HPS5: variants seen among roughly 807,000 people sequenced by gnomAD.
The protein encoded by HPS5 is HPS5 biogenesis of lysosomal organelles complex 2 subunit 2, also known as BLOC-2 complex member HPS5.
A neutral mutation model predicts 128.0 loss-of-function variants in HPS5; 83 were observed. The ratio of observed to expected loss-of-function variants is 0.65; its 90% CI spans 0.54 to 0.78. The LOEUF is 0.78. Among genes scored for constraint, HPS5 ranks in the 30% least tolerant of loss-of-function variants. The pLI is 0.00. For missense variants in HPS5, 1,281 were observed against 1,326.2 expected (o/e 0.97, Z 0.53); for synonymous variants, 475 against 470.2 (o/e 1.01, Z -0.13).
At chr11:18,296,169 G>A (rs1187461013) in intron 12 of HPS5, 47 bp from the exon 13 acceptor site, 5 of 1,595,522 alleles carry the variant, frequency 3.1e-6, no homozygotes, top group South Asian at 1.1e-5. Flanking sequence ...TAATCACGTG[G>A]GAGTTGTTTT....
chr11:18,297,565 T>C lies in HPS5; in HGVS notation c.1317A>G (p.Ser439=), dbSNP rs754712212. ...TAAAGGTGAGAATACTTACATGTGA[T>C]GAAATGGAGCTTCTTCTACTGCTAC... ...SACSSRRSSI[S]SHESFSILDS... Residue 439 remains serine, a synonymous_variant, in exon 11 of 23, where the codon TCA becomes TCG. Coordinates refer to ENST00000349215, the MANE Select transcript of HPS5 (RefSeq NM_181507.2). 6.2e-7 allele frequency: 1 copy of C among 1,613,620 alleles called. No individual in the cohort carries two copies. The highest frequency in any genetic ancestry group is 1.7e-4 in the Middle Eastern group (1 of 5,850).
chr11:18,305,914 G>C (rs895199349), intron 7 of HPS5, among the ~76,000 whole-genome samples: 5 of 148,904 alleles, frequency 3.4e-5, no homozygotes, highest in Non-Finnish European at 7.4e-5. Context: ...TTGTATTTTT[G>C]GTAGAGACGG....
chr11:18,286,598 AACCTT>A lies in HPS5; in HGVS notation c.2825_2829del (p.Glu942ValfsTer22). 6.2e-7 allele frequency: 1 copy of A among 1,614,018 alleles called. No homozygotes were observed. The highest frequency in any genetic ancestry group is 1.1e-5 in the South Asian group (1 of 91,068). On this transcript the variant is annotated frameshift_variant, in exon 19 of 23. Coordinates refer to ENST00000349215, the MANE Select transcript of HPS5 (RefSeq NM_181507.2). LOFTEE classifies it high-confidence loss of function. Reference sequence around the variant, plus strand: ...AGAGGACTTCTTCTGTACCTGGGATAACCTTCATCATCCATTGTGCTGGTGCTTGG... The same window carrying A: ...AGAGGACTTCTTCTGTACCTGGGATACATCATCCATTGTGCTGGTGCTTGG...
At chr11:18,289,687 T>C (rs1300702945) in intron 16 of HPS5, among the ~76,000 whole-genome samples, 1 of 152,214 alleles carries the variant, frequency 6.6e-6, no homozygotes, top group Non-Finnish European at 1.5e-5. Flanking sequence ...TAAGATGACA[T>C]AAAAATGTAT....
intron 20 of HPS5, among the ~76,000 whole-genome samples, chr11:18,284,954 CCTT>C (rs1241370517): frequency 5.3e-5 from 8 of 152,116 alleles, no homozygotes; most frequent in South Asian, 4.1e-4. Context: ...CTCACCTCCT[CCTT>C]GAGTCCTTCA....
chr11:18,287,713 TTAGTCTC>T, intron 17 of HPS5, 23 bp from the exon 18 acceptor site: 1 of 1,613,322 alleles, frequency 6.2e-7, no homozygotes, highest in Non-Finnish European at 8.5e-7. Context: ...ACAAAACACT[TTAGTCTC>T]TAATTTCAGT....
In HPS5 at chr11:18,300,864, G is replaced by A; in HGVS notation, c.949C>T (p.Gln317Ter). Residue 317 changes from glutamine (Q) to a stop codon, truncating the protein, a stop_gained, in exon 9 of 23, where the codon CAG becomes TAG. Coordinates refer to ENST00000349215, the MANE Select transcript of HPS5 (RefSeq NM_181507.2). LOFTEE classifies it high-confidence loss of function. Reference sequence around the variant, plus strand: ...CTCCAAAGAAGAACTTGAACATTCTGAGGAATGAAAATATAAATTCCTCTT... The same window carrying A: ...CTCCAAAGAAGAACTTGAACATTCTAAGGAATGAAAATATAAATTCCTCTT... The part of the protein sequence containing the change: ...TERGIYIFIP[Q>*]NVQVLLWSEV... 6.3e-7 allele frequency: 1 copy of A among 1,598,342 alleles called. No homozygotes were observed. Among genetic ancestry groups the A allele is most frequent in the East Asian group, 2.2e-5 (1 of 44,794 alleles).
At chr11:18,296,207 A>G in intron 12 of HPS5, 85 bp from the exon 13 acceptor site, 1 of 1,392,506 alleles carries the variant, frequency 7.2e-7, no homozygotes, top group Non-Finnish European at 1.0e-6. Flanking sequence ...TGAAATGAAT[A>G]AACCGAAAGA....
chr11:18,306,421 C>G, intron 6 of HPS5, 74 bp from the exon 7 acceptor site: 1 of 945,372 alleles, frequency 1.1e-6, no homozygotes, highest in Non-Finnish European at 1.7e-6. Flanking sequence ...TACAAATCAG[C>G]ATGGGCATAA....
At chr11:18,281,836 C>T in intron 22 of HPS5, 114 bp downstream of exon 22, 1 of 1,177,738 alleles carries the variant, frequency 8.5e-7, no homozygotes, top group Non-Finnish European at 1.3e-6. Flanking sequence ...CAGTCTCAGT[C>T]TCCTCATGTT....
intron 8 of HPS5, among the ~76,000 whole-genome samples, chr11:18,302,078 C>A (rs1861773889): frequency 2.0e-5 from 3 of 151,950 alleles, no homozygotes; most frequent in African/African-American, 7.3e-5. Context: ...ATTTTCTTAA[C>A]CCCAAGCAGA....
At chr11:18,287,391 C>T in intron 18 of HPS5, 144 bp downstream of exon 18, 1 of 854,518 alleles carries the variant, frequency 1.2e-6, no homozygotes, top group East Asian at 2.4e-5. Flanking sequence ...CAGAATGTTA[C>T]AAGGCCTCCC....
intron 5 of HPS5, among the ~76,000 whole-genome samples, chr11:18,310,048 T>G (rs774180556): frequency 3.3e-5 from 5 of 152,194 alleles, no homozygotes; most frequent in Non-Finnish European, 7.3e-5. Context: ...AGAGCCTTTC[T>G]TTTCTGCCAG....
chr11:18,287,941 T>A lies in HPS5; in HGVS notation c.2513A>T (p.Asp838Val). The A allele has an allele frequency of 6.2e-7, 1 of 1,614,054 alleles. No individual in the cohort carries two copies. The highest frequency in any genetic ancestry group is 2.2e-5 in the East Asian group (1 of 44,850). The change falls in exon 17 of 23, where the codon GAT (aspartate) becomes GTT (valine). Residue 838 changes from aspartate to valine, a missense_variant. Physicochemically the swap from Asp to Val is radical, Grantham distance 152 (BLOSUM62 -3). Coordinates refer to ENST00000349215, the MANE Select transcript of HPS5 (RefSeq NM_181507.2). ...GDLPTRLKLL[D>V]DEVPFDSPLL... is the part of the protein sequence containing the mutation. The stretch of plus-strand genomic sequence containing the variant: ...CGGACTATCAAAAGGAACCTCGTCA[T>A]CTAGTAACTTTAACCTTGTTGGTAG...
At chr11:18,313,615 TTTA>T (rs1172435975) in intron 2 of HPS5, among the ~76,000 whole-genome samples, 2 of 152,092 alleles carry the variant, frequency 1.3e-5, no homozygotes, top group Admixed American at 6.5e-5. Context: ...TTTAAACATT[TTTA>T]TTTTTAAGAA....
At chr11:18,281,842 A>T in intron 22 of HPS5, 108 bp downstream of exon 22, 1 of 1,250,742 alleles carries the variant, frequency 8.0e-7, no homozygotes, top group Non-Finnish European at 1.2e-6. Flanking sequence ...CAGTCTCCTC[A>T]TGTTAGTGAT....
chr11:18,301,454 C>CAAAAAAAAAAAAA lies in HPS5; in HGVS notation c.897-551_897-539dup, dbSNP rs899074500. On this transcript the variant is annotated intron_variant, in intron 8 of 22. Coordinates refer to ENST00000349215, the MANE Select transcript of HPS5 (RefSeq NM_181507.2). ...GGTGACAGCCTGGGTGACTCTGTCT[C>CAAAAAAAAAAAAA]AAAAAAAAAAAAAAAAAAAAAAAGA... 5.0e-4 allele frequency among the ~76,000 whole-genome samples: 26 copies of CAAAAAAAAAAAAA among 51,806 alleles called. 1 individual carries two copies. The highest frequency in any genetic ancestry group is 1.8e-3 in the East Asian group (3 of 1,644). 34.0% of individuals were successfully genotyped at this position (51,806 alleles called of 152,430 possible).
At chr11:18,295,904 C>T (rs1409264489) in intron 13 of HPS5, 95 bp downstream of exon 13, 9 of 1,337,382 alleles carry the variant, frequency 6.7e-6, no homozygotes, top group Non-Finnish European at 9.7e-6. Context: ...AAGAGACTTC[C>T]TTTTTCTCAT....
rs1862335904 is a variant in HPS5, at chr11:18,306,130, G to A, written c.824+5C>T. 13 of 1,583,796 alleles carry A rather than the reference G, an allele frequency of 8.2e-6. No homozygotes were observed. The highest frequency in any genetic ancestry group is 2.2e-5 in the East Asian group (1 of 44,710). On this transcript the variant is annotated splice_donor_5th_base_variant and intron_variant, in intron 7 of 22. Transcript: ENST00000349215. ...ACAATCCCAACCAGCCATACAAATCGTTACCTGAGAGTAATCACAGGGAGA... is the reference window on the plus strand; with the variant it reads ...ACAATCCCAACCAGCCATACAAATCATTACCTGAGAGTAATCACAGGGAGA...
Sources: gnomAD v4.1 joint callset for allele counts (sites outside exome capture counted in the v4.1 genomes callset) on GRCh38, gnomAD v4.1.1 for gene constraint, MANE v1.5 for transcripts, NCBI Gene and HGNC (gene_info 2026-07-23, HGNC 2026-07-21) for gene names.